FAT3: variants seen among roughly 807,000 people sequenced by gnomAD.
The protein encoded by FAT3 is FAT atypical cadherin 3.
Under a neutral mutation model 310.2 loss-of-function variants are expected in FAT3, and 95 were observed. That is an observed-to-expected ratio of 0.31 (90% CI 0.26 to 0.36). The LOEUF (loss-of-function observed/expected upper bound fraction) is 0.36. Among genes scored for constraint, FAT3 ranks in the 10% least tolerant of loss-of-function variants. The probability of loss-of-function intolerance (pLI) is 1.00; values close to 1 mark genes in which losing one functional copy is unlikely to be tolerated. For missense variants in FAT3, 5,408 were observed against 5,715.6 expected (o/e 0.95, Z 1.74); for synonymous variants, 2,314 against 2,192.9 (o/e 1.06, Z -1.54).
At chr11:92,700,105 T>A (rs1591623119) in intron 4 of FAT3, among the ~76,000 whole-genome samples, 2 of 152,176 alleles carry the variant, frequency 1.3e-5, no homozygotes, top group Non-Finnish European at 2.9e-5. Flanking sequence ...AGAAGCTCTC[T>A]GAAGCCACTA....
chr11:92,336,245 G>C, intron 1 of FAT3: 1 of 560,496 alleles, frequency 1.8e-6, no homozygotes, highest in Non-Finnish European at 3.6e-6. Flanking sequence ...ACATGTTCCA[G>C]ATGTCCAAAA....
chr11:92,490,385 C>T (rs1591360820), intron 2 of FAT3, among the ~76,000 whole-genome samples: 1 of 152,108 alleles, frequency 6.6e-6, no homozygotes, highest in Non-Finnish European at 1.5e-5. Flanking sequence ...GGATTTGAGT[C>T]TCAACTTTAC....
At chr11:92,536,639 C>A (rs1360274298) in intron 3 of FAT3, among the ~76,000 whole-genome samples, 1 of 152,104 alleles carries the variant, frequency 6.6e-6, no homozygotes, top group African/African-American at 2.4e-5. Flanking sequence ...AATTCAATGT[C>A]CACATTGTAT....
At chr11:92,600,855 G>A (rs1400269135) in intron 3 of FAT3, among the ~76,000 whole-genome samples, 2 of 152,174 alleles carry the variant, frequency 1.3e-5, no homozygotes, top group Non-Finnish European at 2.9e-5. Flanking sequence ...GTTGGGGAAG[G>A]CACCTTCTCT....
At chr11:92,678,180 A>G (rs542848843) in intron 3 of FAT3, among the ~76,000 whole-genome samples, 1 of 152,274 alleles carries the variant, frequency 6.6e-6, no homozygotes, top group Non-Finnish European at 1.5e-5. Context: ...CCCTATGTAC[A>G]TGTTTGATTG....
intron 2 of FAT3, among the ~76,000 whole-genome samples, chr11:92,382,193 T>C (rs1949511484): frequency 6.6e-6 from 1 of 152,208 alleles, no homozygotes; most frequent in Non-Finnish European, 1.5e-5. Flanking sequence ...AAGACATGGC[T>C]TCACATGTAT....
intron 13 of FAT3, among the ~76,000 whole-genome samples, 171 bp from the exon 14 acceptor site, chr11:92,831,451 T>C (rs1948247132): frequency 6.6e-6 from 1 of 152,054 alleles, no homozygotes; most frequent in African/African-American, 2.4e-5. Flanking sequence ...TTCCATTGTC[T>C]TTTTTTTCCC....
chr11:92,826,865 G>A (rs1337611240), intron 13 of FAT3, among the ~76,000 whole-genome samples: 3 of 152,122 alleles, frequency 2.0e-5, no homozygotes, highest in African/African-American at 4.8e-5. Flanking sequence ...GAGAAGTCAG[G>A]GCAGCTGCCA....
intron 1 of FAT3, among the ~76,000 whole-genome samples, chr11:92,243,821 G>T (rs1369875866): frequency 6.6e-6 from 1 of 151,876 alleles, no homozygotes; most frequent in Admixed American, 6.6e-5. Flanking sequence ...TTTGATTTGG[G>T]TATCATTTTT....
At position 92,247,531 on chromosome 11, in the gene FAT3, T is replaced by C. The variant is rs1864968454; in HGVS notation, c.-18+22357T>C. 2.0e-5 allele frequency among the ~76,000 whole-genome samples: 3 copies of C among 151,952 alleles called. No individual in the cohort carries two copies. The South Asian group carries it at 6.2e-4, about 32-fold the overall frequency. The stretch of plus-strand genomic sequence containing the variant: ...ATACCTCTGTGTTGGTAACTTAAAC[T>C]TCTGTGACTATCCCTTCCAAATCAG... On this transcript the variant is annotated intron_variant, in intron 1 of 27. Coordinates refer to ENST00000525166, the MANE Select transcript of FAT3 (RefSeq NM_001367949.2).
intron 3 of FAT3, among the ~76,000 whole-genome samples, chr11:92,634,047 A>G (rs1253059443): frequency 6.6e-6 from 1 of 152,200 alleles, no homozygotes; most frequent in East Asian, 1.9e-4. Context: ...AGGAAGTGAG[A>G]CACCTCTGTC....
At chr11:92,584,320 G>T (rs765509796) in intron 3 of FAT3, among the ~76,000 whole-genome samples, 1 of 151,934 alleles carries the variant, frequency 6.6e-6, no homozygotes, top group Non-Finnish European at 1.5e-5. Flanking sequence ...ATTCTGCAAA[G>T]ATCTATTCTT....
chr11:92,887,146 G>A, intron 25 of FAT3, 33 bp downstream of exon 25: 1 of 1,560,356 alleles, frequency 6.4e-7, no homozygotes, highest in Non-Finnish European at 8.7e-7. Flanking sequence ...CGGAGCGGGT[G>A]GGTTCTGCTT....
intron 4 of FAT3, among the ~76,000 whole-genome samples, chr11:92,715,241 TAAAAAA>T (rs760806391): frequency 8.6e-6 from 1 of 116,284 alleles, no homozygotes. Flanking sequence ...CCGTCTCCAC[TAAAAAA>T]AAAAAAAAAA....
Position 92,355,125 on chromosome 11 carries a change from T to G in FAT3, c.3013T>G (p.Phe1005Val). Residue 1005 changes from phenylalanine (F) to valine (V), a missense_variant, in exon 2 of 28, where the codon TTC becomes GTC. This residue lies in a region of FAT3 where 4,588 missense variants were observed against 4,809.8 expected (regional missense o/e 0.95). Transcript: ENST00000525166. ...SKELDYEKQQFYNLTVRAKDK... is the reference protein window; with the variant it reads ...SKELDYEKQQVYNLTVRAKDK... ...AGAGCTTGATTATGAGAAACAGCAG[T>G]TCTATAACCTTACTGTGCGGGCCAA... 3 of 1,613,798 alleles carry G rather than the reference T, an allele frequency of 1.9e-6. No homozygotes were observed. The highest frequency in any genetic ancestry group is 2.5e-6 in the Non-Finnish European group (3 of 1,179,850).
intron 3 of FAT3, among the ~76,000 whole-genome samples, chr11:92,554,834 C>T (rs1455506400): frequency 2.0e-5 from 3 of 152,190 alleles, no homozygotes; most frequent in African/African-American, 7.2e-5. Context: ...CACTGCTGCG[C>T]TTGTCACTAC....
chr11:92,434,349 A>C (rs1450542640), intron 2 of FAT3, among the ~76,000 whole-genome samples: 1 of 152,186 alleles, frequency 6.6e-6, no homozygotes, highest in Non-Finnish European at 1.5e-5. Flanking sequence ...AAAAGGGCGC[A>C]TGTCTTACAT....
chr11:92,671,519 C>G (rs1437615908), intron 3 of FAT3, among the ~76,000 whole-genome samples: 8 of 152,018 alleles, frequency 5.3e-5, no homozygotes, highest in African/African-American at 1.9e-4. Context: ...GTGTCCTTCT[C>G]CCAGGACTCA....
chr11:92,320,874 A>T (rs1947597192), intron 1 of FAT3, among the ~76,000 whole-genome samples: 1 of 133,220 alleles, frequency 7.5e-6, no homozygotes, highest in African/African-American at 3.5e-5. Flanking sequence ...CATCTCAAAA[A>T]AAAAAAGGGG....
Sources: allele counts gnomAD v4.1 joint callset (sites outside exome capture counted in the v4.1 genomes callset), GRCh38; gene constraint gnomAD v4.1.1; regional missense constraint gnomAD v4.1.1; transcripts MANE v1.5; gene names NCBI Gene and HGNC (gene_info 2026-07-23, HGNC 2026-07-21).